Variants in PTPRE observed in about 807,000 individuals in gnomAD.
PTPRE encodes receptor-type tyrosine-protein phosphatase epsilon.
Under a neutral mutation model 102.0 loss-of-function variants are expected in PTPRE, and 51 were observed. The observed-to-expected ratio is 0.50, with a 90% CI of 0.40 to 0.63. The LOEUF is 0.63. Among genes scored for constraint, PTPRE ranks in the 30% least tolerant of loss-of-function variants. The pLI is 0.00. For synonymous variants in PTPRE, 345 were observed against 348.2 expected (o/e 0.99, Z 0.10); for missense variants, 752 against 915.1 (o/e 0.82, Z 2.30).
chr10:127,941,276 A>T (rs1848224820), intron 1 of PTPRE, among the ~76,000 whole-genome samples: 1 of 152,242 alleles, frequency 6.6e-6, no homozygotes, highest in South Asian at 2.1e-4. Context: ...CCATGTCAGC[A>T]TTGCTGAACA....
At chr10:127,941,911 A>G (rs1848274169) in intron 1 of PTPRE, among the ~76,000 whole-genome samples, 1 of 152,198 alleles carries the variant, frequency 6.6e-6, no homozygotes, top group Non-Finnish European at 1.5e-5. Context: ...CAGAGCCACC[A>G]GTGAGAAGTT....
chr10:127,918,377 T>C (rs1846357525), intron 1 of PTPRE, among the ~76,000 whole-genome samples: 1 of 151,772 alleles, frequency 6.6e-6, no homozygotes, highest in South Asian at 2.1e-4. Context: ...GCTAACACGG[T>C]GAAACCCCAT....
At chr10:128,061,059 A>G (rs751552563) in intron 8 of PTPRE, 44 bp downstream of exon 8, 3 of 1,582,510 alleles carry the variant, frequency 1.9e-6, no homozygotes, top group African/African-American at 2.7e-5. Context: ...CAGCTGGGGC[A>G]TGAGCAGTAA....
chr10:127,918,739 G>A (rs912718766), intron 1 of PTPRE, among the ~76,000 whole-genome samples: 3 of 152,156 alleles, frequency 2.0e-5, no homozygotes, highest in African/African-American at 4.8e-5. Context: ...TGGCAGAGTC[G>A]GAGGACAGAC....
intron 17 of PTPRE, among the ~76,000 whole-genome samples, chr10:128,074,666 C>CAA (rs34362431): frequency 6.7e-4 from 89 of 133,416 alleles, no homozygotes; most frequent in African/African-American, 2.1e-3. Context: ...GACTCTGTCT[C>CAA]AAAAAAAAAA....
chr10:128,057,499 G>A (rs1849092787), intron 7 of PTPRE, among the ~76,000 whole-genome samples: 1 of 152,188 alleles, frequency 6.6e-6, no homozygotes, highest in South Asian at 2.1e-4. Flanking sequence ...CTAGAATTGA[G>A]TTCATCTGCT....
At chr10:128,041,646 C>CAAAAAAAAAAAAAAAAAAAAAAA (rs59411622) in intron 3 of PTPRE, among the ~76,000 whole-genome samples, 1 of 77,366 alleles carries the variant, frequency 1.3e-5, no homozygotes, top group African/African-American at 5.4e-5. Flanking sequence ...GACTACGTCT[C>CAAAAAAAAAAAAAAAAAAAAAAA]AAAAAAAAAA....
At chr10:128,081,877 T>C (rs12252890) in intron 20 of PTPRE, among the ~76,000 whole-genome samples, 16,628 of 152,282 alleles carry the variant, frequency 0.11, 964 homozygotes, top group Admixed American at 0.14. Flanking sequence ...GCTAGCTGTT[T>C]GGCATCTTTC....
intron 2 of PTPRE, among the ~76,000 whole-genome samples, chr10:128,018,252 G>A (rs189114610): frequency 8.1e-4 from 124 of 152,212 alleles, no homozygotes; most frequent in Non-Finnish European, 1.5e-3. Flanking sequence ...TAAATCGCAC[G>A]GCACATTCCT....
chr10:127,907,710 GC>G lies in PTPRE; in HGVS notation c.-31+404del. On this transcript the variant is annotated intron_variant, in intron 1 of 20. Coordinates refer to ENST00000254667, the MANE Select transcript of PTPRE (RefSeq NM_006504.6). This position sits in a 1 kb window ranked among gnomAD's most constrained non-coding sequence, Gnocchi z 4.8. Reference sequence around the variant, plus strand: ...GTGCAGGCCGCGCGTGGGGGGCTGCGCCCACTCGAGGCTGGAGGCTGGAGCC... The same window carrying G: ...GTGCAGGCCGCGCGTGGGGGGCTGCGCCACTCGAGGCTGGAGGCTGGAGCC... Among the ~76,000 whole-genome samples, 1 of 152,248 alleles carries G rather than the reference GC, an allele frequency of 6.6e-6. No homozygotes were observed. Among genetic ancestry groups the G allele is most frequent in the East Asian group, 1.9e-4 (1 of 5,140 alleles).
chr10:127,960,030 T>A (rs904019743), intron 1 of PTPRE, among the ~76,000 whole-genome samples: 3 of 152,190 alleles, frequency 2.0e-5, no homozygotes, highest in Non-Finnish European at 4.4e-5. Context: ...CTAGGACAGA[T>A]GCAGATTATT....
chr10:128,023,653 C>T (rs900074890), intron 2 of PTPRE, among the ~76,000 whole-genome samples: 1 of 152,194 alleles, frequency 6.6e-6, no homozygotes, highest in East Asian at 1.9e-4. Context: ...GACCGTATCC[C>T]GCACAGATAA....
At chr10:127,941,899 G>A (rs559617885) in intron 1 of PTPRE, among the ~76,000 whole-genome samples, 1 of 152,314 alleles carries the variant, frequency 6.6e-6, no homozygotes, top group African/African-American at 2.4e-5. Context: ...CTGGGCCCAG[G>A]GCAGAGCCAC....
At chr10:127,991,584 C>G (rs2135509097) in intron 2 of PTPRE, among the ~76,000 whole-genome samples, 1 of 152,294 alleles carries the variant, frequency 6.6e-6, no homozygotes, top group East Asian at 1.9e-4. Flanking sequence ...AAAAACATTT[C>G]TTTCTATAAA....
rs1031663155 is a variant in PTPRE at position 127,932,580 on chromosome 10, T to C, written c.-31+25271T>C. On this transcript the variant is annotated intron_variant, in intron 1 of 20. Transcript: ENST00000254667. ...CTGCAGTTTTTTACTCTGCTTTCCCTGCAGCAACAGAGACAGGAGGGTGGA... is the reference window on the plus strand; with the variant it reads ...CTGCAGTTTTTTACTCTGCTTTCCCCGCAGCAACAGAGACAGGAGGGTGGA... Among the ~76,000 whole-genome samples, 12 of 152,214 alleles carry C rather than the reference T, an allele frequency of 7.9e-5. 1 individual carries two copies. The highest frequency in any genetic ancestry group is 5.9e-4 in the Admixed American group (9 of 15,280).
In PTPRE at chr10:127,982,255, T is replaced by A; in HGVS notation, c.-30-19T>A. On this transcript the variant is annotated intron_variant, in intron 1 of 20. Transcript: ENST00000254667. ...TGTTAACCAGAAAACTGACTTTTTT[T>A]TTCTTCTTTCTTCTTCAGACTATAG... The A allele has an allele frequency of 7.9e-7, 1 of 1,259,160 alleles. No homozygotes were observed. 78.0% of individuals were successfully genotyped at this position (1,259,160 alleles called of 1,614,324 possible). A position where few individuals can be genotyped will look rare whatever the true frequency, so the allele number is the denominator to read the frequency against.
rs1848460317 is a variant in PTPRE at position 127,944,350 on chromosome 10, T to G, written c.-31+37041T>G. On this transcript the variant is annotated intron_variant, in intron 1 of 20. Coordinates refer to ENST00000254667, the MANE Select transcript of PTPRE (RefSeq NM_006504.6). This position sits in a 1 kb window ranked among gnomAD's most constrained non-coding sequence, Gnocchi z 4.2. ...AATGGCTAAATGGTGGGTGGGTGGA[T>G]GGATGGATGGACGATGGACAGATGG... is the stretch of plus-strand genomic sequence containing the variant. Among the ~76,000 whole-genome samples, 2 of 152,134 alleles carry G rather than the reference T, an allele frequency of 1.3e-5. No homozygotes were observed. Among genetic ancestry groups the G allele is most frequent in the South Asian group, 2.1e-4 (1 of 4,826 alleles).
chr10:128,020,078 G>A (rs60607335), intron 2 of PTPRE, among the ~76,000 whole-genome samples: 26,386 of 151,506 alleles, frequency 0.17, 2,643 homozygotes, highest in Admixed American at 0.21. Context: ...GTGTGTGTGC[G>A]TGCACATGCA....
intron 2 of PTPRE, among the ~76,000 whole-genome samples, chr10:128,019,190 C>T (rs1235240953): frequency 6.6e-6 from 1 of 152,264 alleles, no homozygotes; most frequent in Non-Finnish European, 1.5e-5. Context: ...AGAGGCCCGA[C>T]TTCCAATCCC....
Sources: gnomAD v4.1 joint callset for allele counts (sites outside exome capture counted in the v4.1 genomes callset) on GRCh38, gnomAD v4.1.1 for gene constraint, Gnocchi (gnomAD v3.1) non-coding constraint, MANE v1.5 for transcripts, NCBI Gene and HGNC (gene_info 2026-07-23, HGNC 2026-07-21) for gene names.